Variants in UST observed in about 807,000 individuals in gnomAD.
UST encodes the protein chondroitin sulfate 2-O-sulfotransferase.
Under a neutral mutation model 45.6 loss-of-function variants are expected in UST, and 21 were observed. The ratio of observed to expected loss-of-function variants is 0.46; its 90% CI spans 0.33 to 0.66. The LOEUF (loss-of-function observed/expected upper bound fraction) is 0.66. Ranked by LOEUF, UST falls within the 30% of genes least tolerant of loss-of-function variation. UST has a pLI of 0.02. For missense variants in UST, 463 were observed against 512.4 expected (o/e 0.90, Z 0.93); for synonymous variants, 215 against 200.6 (o/e 1.07, Z -0.61).
chr6:149,049,815 C>G (rs922577057), intron 7 of UST, among the ~76,000 whole-genome samples: 1 of 152,090 alleles, frequency 6.6e-6, no homozygotes, highest in East Asian at 1.9e-4. Context: ...GCCCCTCTCT[C>G]TAAGATATCT....
At chr6:148,817,524 G>A (rs1431423882) in intron 1 of UST, among the ~76,000 whole-genome samples, 1 of 152,148 alleles carries the variant, frequency 6.6e-6, no homozygotes, top group Admixed American at 6.5e-5. Flanking sequence ...AAATACATTG[G>A]TTGGGTTCAG....
Position 148,886,224 on chromosome 6 carries a change from T to C in UST, c.248-762T>C, listed in dbSNP as rs140961131. 3.4e-4 allele frequency among the ~76,000 whole-genome samples: 52 copies of C among 152,332 alleles called. No homozygotes were observed. In the East Asian group the frequency reaches 6.0e-3, roughly 18 times the overall value. On this transcript the variant is annotated intron_variant, in intron 1 of 7. Transcript: ENST00000367463. ...AGTTTACCAGCTGTGTGACTGTGCA[T>C]AGGTTACTGAGTTTCTCCAGGCCTC...
At chr6:148,955,059 C>T (rs938073951) in intron 4 of UST, among the ~76,000 whole-genome samples, 3 of 152,228 alleles carry the variant, frequency 2.0e-5, no homozygotes, top group Non-Finnish European at 4.4e-5. Flanking sequence ...TGGAGACCAG[C>T]CTGGGAACCT....
chr6:149,054,787 G>A (rs1264320751), intron 7 of UST, among the ~76,000 whole-genome samples: 8 of 152,140 alleles, frequency 5.3e-5, no homozygotes, highest in Admixed American at 4.6e-4. Flanking sequence ...GAGAAATGAC[G>A]AGGAAGGAGA....
intron 1 of UST, among the ~76,000 whole-genome samples, chr6:148,843,906 T>C (rs972484915): frequency 6.6e-6 from 1 of 152,250 alleles, no homozygotes; most frequent in African/African-American, 2.4e-5. Context: ...AATGAATACT[T>C]GCTGAATTAA....
chr6:148,921,766 A>G (rs1416828198), intron 2 of UST, among the ~76,000 whole-genome samples: 2 of 152,176 alleles, frequency 1.3e-5, no homozygotes, highest in Non-Finnish European at 2.9e-5. Flanking sequence ...TTCAGCATCC[A>G]GTCGCAGTCA....
intron 1 of UST, among the ~76,000 whole-genome samples, chr6:148,850,882 G>C (rs76515146): frequency 6.6e-6 from 1 of 152,208 alleles, no homozygotes; most frequent in Non-Finnish European, 1.5e-5. Flanking sequence ...AGATTTTCCC[G>C]TTGTATCATC....
chr6:148,959,850 A>G (rs7746457), intron 4 of UST, among the ~76,000 whole-genome samples: 69,854 of 150,114 alleles, frequency 0.47, 17,354 homozygotes, highest in African/African-American at 0.67. Context: ...TGGTGGGCGG[A>G]GGGGAGTCTA....
Position 148,953,959 on chromosome 6 carries a change from AT to A in UST, c.527+12del. The stretch of plus-strand genomic sequence containing the variant: ...TTTCCTCAACTTCTCAAGGTAAGAC[AT>A]TTTCCAGTTTAATGGTTCTTTCATT... On this transcript the variant is annotated intron_variant, in intron 4 of 7. Transcript: ENST00000367463. 6.3e-7 allele frequency: 1 copy of A among 1,592,966 alleles called. No homozygotes were observed. The highest frequency in any genetic ancestry group is 1.1e-5 in the South Asian group (1 of 87,848).
intron 1 of UST, among the ~76,000 whole-genome samples, chr6:148,775,525 C>A (rs1562564022): frequency 2.0e-5 from 3 of 152,146 alleles, no homozygotes; most frequent in African/African-American, 7.2e-5. Flanking sequence ...TGTGAAACTA[C>A]CTCTGTGTAT....
At chr6:149,043,135 G>T (rs1352215437) in intron 7 of UST, among the ~76,000 whole-genome samples, 1 of 148,288 alleles carries the variant, frequency 6.7e-6, no homozygotes, top group Non-Finnish European at 1.5e-5. Context: ...TGGAGACAGG[G>T]TCTCACTCTG....
chr6:148,925,341 G>A (rs1266672359), intron 2 of UST, among the ~76,000 whole-genome samples: 2 of 152,032 alleles, frequency 1.3e-5, no homozygotes, highest in Admixed American at 1.3e-4. Context: ...GGCAAAAGCA[G>A]GCACAAGCTT....
At chr6:149,004,562 C>A (rs1312474597) in intron 5 of UST, among the ~76,000 whole-genome samples, 1 of 152,208 alleles carries the variant, frequency 6.6e-6, no homozygotes, top group Non-Finnish European at 1.5e-5. Context: ...ACGCTAATAA[C>A]CGGACCTGGT....
intron 7 of UST, among the ~76,000 whole-genome samples, chr6:149,050,510 C>G (rs1776468006): frequency 6.6e-6 from 1 of 152,200 alleles, no homozygotes; most frequent in African/African-American, 2.4e-5. Flanking sequence ...CATTACATAC[C>G]ACAAGGAATG....
chr6:149,014,527 C>G (rs1775865487), intron 5 of UST, among the ~76,000 whole-genome samples: 1 of 152,162 alleles, frequency 6.6e-6, no homozygotes, highest in South Asian at 2.1e-4. Context: ...TCCCAGGGAC[C>G]CCATCTGCCA....
chr6:148,968,207 C>T (rs1780841906), intron 5 of UST, among the ~76,000 whole-genome samples: 1 of 152,250 alleles, frequency 6.6e-6, no homozygotes, highest in African/African-American at 2.4e-5. Context: ...GTCTCTCCAT[C>T]TTTACAAAGA....
chr6:148,956,759 T>C (rs556197068), intron 4 of UST, among the ~76,000 whole-genome samples: 1 of 152,348 alleles, frequency 6.6e-6, no homozygotes, highest in Admixed American at 6.5e-5. Context: ...GTCTATGGAT[T>C]ACCTTCTCTC....
At chr6:148,775,628 T>C in intron 1 of UST, among the ~76,000 whole-genome samples, 1 of 118,438 alleles carries the variant, frequency 8.4e-6, no homozygotes, top group South Asian at 2.5e-4. Context: ...TTAATTAAAT[T>C]TTTTTTTTTT....
At chr6:148,841,585 T>G (rs563397210) in intron 1 of UST, among the ~76,000 whole-genome samples, 22 of 147,202 alleles carry the variant, frequency 1.5e-4, no homozygotes, top group African/African-American at 4.0e-4. Context: ...TGTTTTGTTT[T>G]TGTTTTTTTT....
Sources: gnomAD v4.1 joint callset for allele counts (sites outside exome capture counted in the v4.1 genomes callset) on GRCh38, gnomAD v4.1.1 for gene constraint, MANE v1.5 for transcripts, NCBI Gene and HGNC (gene_info 2026-07-23, HGNC 2026-07-21) for gene names.